Variants in TRIT1 observed in about 807,000 individuals in gnomAD.
TRIT1 encodes tRNA dimethylallyltransferase.
In TRIT1, 43 loss-of-function variants were observed where a neutral mutation model predicts 51.2. The ratio of observed to expected loss-of-function variants is 0.84; its 90% CI spans 0.66 to 1.08. The LOEUF (loss-of-function observed/expected upper bound fraction) is 1.08. TRIT1 is among the 50% of genes least tolerant of loss of function. The pLI, the probability that TRIT1 is intolerant of heterozygous loss-of-function variation, is 0.00. For synonymous variants in TRIT1, 184 were observed against 203.9 expected, an observed-to-expected ratio of 0.90 and a Z score of 0.83; for missense variants, 528 against 578.4, an observed-to-expected ratio of 0.91 and a Z score of 0.89.
At chr1:39,862,752 A>C in intron 1 of TRIT1, 1 of 984,640 alleles carries the variant, frequency 1.0e-6, no homozygotes, top group South Asian at 4.7e-5. Context: ...GAAAACATTC[A>C]CATGTGAGAT....
At chr1:39,843,077 C>T (rs1360753410) in intron 10 of TRIT1, among the ~76,000 whole-genome samples, 4 of 152,228 alleles carry the variant, frequency 2.6e-5, no homozygotes, top group Non-Finnish European at 5.9e-5. Context: ...CTCTCTTTCT[C>T]TTCCCCTTTC....
intron 1 of TRIT1, among the ~76,000 whole-genome samples, chr1:39,869,799 C>G (rs1310884861): frequency 6.6e-6 from 1 of 151,808 alleles, no homozygotes; most frequent in East Asian, 1.9e-4. Flanking sequence ...CCGGCCGCCC[C>G]GTCTGAGAAG....
chr1:39,866,966 G>C (rs920594142), intron 1 of TRIT1, among the ~76,000 whole-genome samples: 2 of 152,198 alleles, frequency 1.3e-5, no homozygotes, highest in African/African-American at 4.8e-5. Context: ...ACTCCAGCCT[G>C]AAGTGAGACA....
chr1:39,877,328 TAAAAAAAAAAA>T (rs57539376), intron 1 of TRIT1, among the ~76,000 whole-genome samples: 1 of 113,088 alleles, frequency 8.8e-6, no homozygotes, highest in African/African-American at 3.3e-5. Flanking sequence ...GTGCTTCTAT[TAAAAAAAAAAA>T]AAAAAAAAAA....
intron 4 of TRIT1, among the ~76,000 whole-genome samples, chr1:39,851,462 T>TA (rs959056457): frequency 3.9e-5 from 6 of 152,042 alleles, no homozygotes; most frequent in African/African-American, 1.2e-4. Flanking sequence ...TTCCTAGGTT[T>TA]AAAAAAAATT....
At chr1:39,850,360 A>T in intron 4 of TRIT1, 99 bp from the exon 5 acceptor site, 10 of 1,456,372 alleles carry the variant, frequency 6.9e-6, no homozygotes, top group Non-Finnish European at 8.3e-6. Flanking sequence ...TTTATTACAG[A>T]AAGCCTCTTT....
At chr1:39,873,214 G>A (rs1643937491) in intron 1 of TRIT1, among the ~76,000 whole-genome samples, 1 of 152,138 alleles carries the variant, frequency 6.6e-6, no homozygotes, top group Non-Finnish European at 1.5e-5. Context: ...GTGGAGAAAC[G>A]TGTATACAAT....
chr1:39,864,502 G>A lies in TRIT1; in HGVS notation c.175-7085C>T, dbSNP rs1446928490. Among the ~76,000 whole-genome samples the A allele has an allele frequency of 6.0e-5, 9 of 151,216 alleles. No homozygotes were observed. The East Asian group carries it at 1.2e-3, about 20-fold the overall frequency. ...CAGGCGCCTGTAGTCCTAGCTACTC[G>A]GGAGGCTGAGGCAGGAGAATGGTGT... is the stretch of plus-strand genomic sequence containing the variant. On this transcript the variant is annotated intron_variant, in intron 1 of 10. Transcript: ENST00000316891.
chr1:39,852,606 T>C lies in TRIT1; in HGVS notation c.560+125A>G, dbSNP rs577948017. The C allele has an allele frequency of 1.3e-4, 155 of 1,229,848 alleles. 1 individual carries two copies. The East Asian group carries it at 3.4e-3, about 27-fold the overall frequency. The allele number at this position is 1,229,848 out of a possible 1,614,324, so 76.2% of individuals were successfully genotyped here. A position where few individuals can be genotyped will look rare whatever the true frequency, so the allele number is the denominator to read the frequency against. On this transcript the variant is annotated intron_variant, in intron 4 of 10. Coordinates refer to ENST00000316891, the MANE Select transcript of TRIT1 (RefSeq NM_017646.6). Reference sequence around the variant, plus strand: ...CTCAGGGCCTCCCAACCTGCTGAGCTAGAACAACACATCAATCTCCACTAA... The same window carrying C: ...CTCAGGGCCTCCCAACCTGCTGAGCCAGAACAACACATCAATCTCCACTAA...
chr1:39,882,103 T>C (rs1644284115), intron 1 of TRIT1, among the ~76,000 whole-genome samples: 1 of 152,204 alleles, frequency 6.6e-6, no homozygotes, highest in Non-Finnish European at 1.5e-5. Context: ...TTCTTCCTAC[T>C]TTACAGAAGA....
intron 4 of TRIT1, among the ~76,000 whole-genome samples, chr1:39,851,774 T>TA (rs1352727399): frequency 6.6e-6 from 1 of 150,906 alleles, no homozygotes; most frequent in South Asian, 2.1e-4. Context: ...AAAACATCTC[T>TA]AAAAAAAATT....
At chr1:39,851,617 C>G (rs114864137) in intron 4 of TRIT1, among the ~76,000 whole-genome samples, 2 of 152,142 alleles carry the variant, frequency 1.3e-5, no homozygotes, top group African/African-American at 2.4e-5. Context: ...GCCCCACCCC[C>G]CTGCCGTGCA....
At chr1:39,844,497 C>T (rs898998224) in intron 9 of TRIT1, 34 bp downstream of exon 9, 26 of 1,560,016 alleles carry the variant, frequency 1.7e-5, no homozygotes, top group Non-Finnish European at 2.1e-5. Context: ...GCTCTGAAAA[C>T]CAGAAAATAG....
intron 1 of TRIT1, among the ~76,000 whole-genome samples, chr1:39,861,005 C>T (rs939322651): frequency 7.2e-5 from 11 of 152,064 alleles, no homozygotes; most frequent in South Asian, 4.1e-4. Context: ...TGAACCCGGA[C>T]GGCAGAAGTT....
chr1:39,880,790 C>T (rs1202575831), intron 1 of TRIT1, among the ~76,000 whole-genome samples: 1 of 147,748 alleles, frequency 6.8e-6, no homozygotes, highest in Non-Finnish European at 1.5e-5. Flanking sequence ...CAGAGCAAGA[C>T]TCCGTTTCAA....
At chr1:39,877,113 A>AT (rs1644095353) in intron 1 of TRIT1, among the ~76,000 whole-genome samples, 1 of 150,024 alleles carries the variant, frequency 6.7e-6, no homozygotes, top group Non-Finnish European at 1.5e-5. Flanking sequence ...CTCTCCTTTC[A>AT]TATCCCTCCC....
chr1:39,877,788 C>T (rs944930723), intron 1 of TRIT1, among the ~76,000 whole-genome samples: 5 of 152,184 alleles, frequency 3.3e-5, no homozygotes, highest in African/African-American at 1.2e-4. Flanking sequence ...AGTTAGAAGA[C>T]CCAGATCCAA....
intron 2 of TRIT1, among the ~76,000 whole-genome samples, chr1:39,854,524 T>A (rs1384818217): frequency 6.6e-6 from 1 of 152,188 alleles, no homozygotes; most frequent in African/African-American, 2.4e-5. Context: ...ATGGAGAGAC[T>A]ATCACATTTT....
In TRIT1 at chr1:39,844,873, C is replaced by A. The variant is rs115570662; in HGVS notation, c.1007-233G>T. On this transcript the variant is annotated intron_variant, in intron 8 of 10. Transcript: ENST00000316891. ...CTGGATACATGGGTGCAGGATCTTC[C>A]AGATCAGCCAGAAAACCAGAATAGA... is the stretch of plus-strand genomic sequence containing the variant. 0.011 allele frequency among the ~76,000 whole-genome samples: 1,735 copies of A among 152,350 alleles called. 22 individuals are homozygous for A. The highest frequency in any genetic ancestry group is 0.04 in the African/African-American group (1,645 of 41,572).
Sources: gnomAD v4.1 joint callset for allele counts (sites outside exome capture counted in the v4.1 genomes callset) on GRCh38, gnomAD v4.1.1 for gene constraint, MANE v1.5 for transcripts, NCBI Gene and HGNC (gene_info 2026-07-23, HGNC 2026-07-21) for gene names.